The following FREM1 variants were observed in gnomAD, a reference collection of about 807,000 sequenced individuals.
The protein encoded by FREM1 is FRAS1-related extracellular matrix protein 1.
In FREM1, 220 loss-of-function variants were observed where a neutral mutation model predicts 210.1. The ratio of observed to expected loss-of-function variants is 1.05; its 90% confidence interval spans 0.94 to 1.17. FREM1 has a LOEUF of 1.17. FREM1 is among the 50% of genes most tolerant of loss of function. The pLI, the probability that FREM1 is intolerant of heterozygous loss-of-function variation, is 0.00. For missense variants in FREM1, 3,454 were observed against 2,675.5 expected (o/e 1.29, Z -6.42); for synonymous variants, 1,189 against 980.2 (o/e 1.21, Z -3.98).
At position 14,824,952 on chromosome 9, in the gene FREM1, G is replaced by A; in HGVS notation, c.1922C>T (p.Pro641Leu). Residue 641 changes from proline (P) to leucine (L), a missense_variant, in exon 11 of 37, where the codon CCA becomes CTA. Transcript: ENST00000380880. ...IHITPVDDQL[P>L]KEAPGVSRHL... ...CCGAGAAACTCCAGGAGCCTCTTTT[G>A]GAAGCTGGTCATCCACTGGAGTTAT... The A allele has an allele frequency of 6.2e-7, 1 of 1,605,070 alleles. No homozygotes were observed.
At chr9:14,786,063 A>G (rs532936860) in intron 23 of FREM1, among the ~76,000 whole-genome samples, 12 of 152,274 alleles carry the variant, frequency 7.9e-5, no homozygotes, top group Non-Finnish European at 1.8e-4. Flanking sequence ...TCATATCTCA[A>G]ATATAGGGCT....
chr9:14,838,426 T>A (rs1190511388), intron 10 of FREM1, among the ~76,000 whole-genome samples: 1 of 152,142 alleles, frequency 6.6e-6, no homozygotes, highest in South Asian at 2.1e-4. Context: ...AGGTAATCAT[T>A]TGAGTTCCTC....
intron 19 of FREM1, among the ~76,000 whole-genome samples, chr9:14,803,469 C>T (rs978089722): frequency 2.8e-4 from 43 of 151,926 alleles, no homozygotes; most frequent in Non-Finnish European, 8.8e-5. Context: ...AAGCAATCCT[C>T]CCACCTCAGC....
intron 21 of FREM1, among the ~76,000 whole-genome samples, chr9:14,793,863 G>C (rs927615732): frequency 3.9e-5 from 6 of 152,158 alleles, no homozygotes; most frequent in Non-Finnish European, 7.3e-5. Context: ...TTGCTACCCA[G>C]GGCTGACATC....
chr9:14,765,128 T>G (rs1343080720), intron 27 of FREM1, among the ~76,000 whole-genome samples: 1 of 152,332 alleles, frequency 6.6e-6, no homozygotes, highest in Middle Eastern at 3.4e-3. Context: ...AAGTAGCATG[T>G]GACAAGAATT....
At chr9:14,892,187 AC>A (rs930652773) in intron 1 of FREM1, among the ~76,000 whole-genome samples, 2 of 149,412 alleles carry the variant, frequency 1.3e-5, no homozygotes, top group African/African-American at 5.0e-5. Flanking sequence ...TACTGAAAAA[AC>A]CCCCCGACCC....
In FREM1 at chr9:14,746,996, T is replaced by C; in HGVS notation, c.6065A>G (p.His2022Arg). ...NCTLELKGLFHFEEGIQKLYQ... is the reference protein window; with the variant it reads ...NCTLELKGLFRFEEGIQKLYQ... The stretch of plus-strand genomic sequence containing the variant: ...CAGCTTCTGGATGCCTTCTTCAAAA[T>C]GGAAGAGTCCCTTTAATTCCAGAGT... Residue 2022 changes from histidine (H) to arginine (R), a missense_variant, in exon 34 of 37, where the codon CAT becomes CGT. Physicochemically the swap from His to Arg is conservative, Grantham distance 29 (BLOSUM62 0). Transcript: ENST00000380880. The C allele has an allele frequency of 1.9e-6, 3 of 1,613,274 alleles. No individual in the cohort carries two copies. The highest frequency in any genetic ancestry group is 4.5e-5 in the East Asian group (2 of 44,856).
intron 11 of FREM1, 34 bp from the exon 12 acceptor site, chr9:14,824,149 T>A: frequency 7.4e-7 from 1 of 1,356,650 alleles, no homozygotes; most frequent in South Asian, 1.3e-5. Context: ...CATCAGCTCA[T>A]TTTTAGGTAA....
chr9:14,784,490 T>C lies in FREM1; in HGVS notation c.4322A>G (p.Gln1441Arg), dbSNP rs376519870. 2.5e-6 allele frequency: 4 copies of C among 1,613,830 alleles called. No homozygotes were observed. Among genetic ancestry groups the C allele is most frequent in the African/African-American group, 1.3e-5 (1 of 74,936 alleles). Residue 1441 changes from glutamine to arginine, a missense_variant, in exon 24 of 37, where the codon CAG becomes CGG. By Grantham distance (43) the Gln-to-Arg change is conservative. Transcript: ENST00000380880. ...TCCAGGATAGTGAACATATTCGATC[T>C]GGCCATATCGCGGAGGGGAGGTGAT... ...YVITSPPRYG[Q>R]IEYVHYPGVP...
At position 14,860,821 on chromosome 9, in the gene FREM1, A is replaced by G. The variant is rs1394391766; in HGVS notation, c.330-1337T>C. On this transcript the variant is annotated intron_variant, in intron 3 of 36. Coordinates refer to ENST00000380880, the MANE Select transcript of FREM1 (RefSeq NM_001379081.2). ...TACACATATATACATATATACACAT[A>G]TATACATATATACGTATATATACAT... is the stretch of plus-strand genomic sequence containing the variant. Among the ~76,000 whole-genome samples the G allele has an allele frequency of 5.7e-5, 6 of 105,684 alleles. No homozygotes were observed. In the Admixed American group the frequency reaches 6.1e-4, roughly 11 times the overall value. 69.3% of individuals were successfully genotyped at this position (105,684 alleles called of 152,430 possible). A position where few individuals can be genotyped will look rare whatever the true frequency, so the allele number is the denominator to read the frequency against.
intron 1 of FREM1, among the ~76,000 whole-genome samples, chr9:14,873,312 G>C (rs545747800): frequency 6.6e-6 from 1 of 152,240 alleles, no homozygotes; most frequent in South Asian, 2.1e-4. Context: ...ACTCTTTTTG[G>C]TTGGTAAGCT....
At chr9:14,800,030 G>A (rs1311586019) in intron 20 of FREM1, among the ~76,000 whole-genome samples, 1 of 143,960 alleles carries the variant, frequency 6.9e-6, no homozygotes, top group Non-Finnish European at 1.5e-5. Flanking sequence ...TCCCAACTAT[G>A]AGTGAGAACA....
intron 33 of FREM1, 88 bp from the exon 34 acceptor site, chr9:14,747,139 G>C (rs1369824628): frequency 1.3e-6 from 2 of 1,590,784 alleles, no homozygotes; most frequent in Admixed American, 3.4e-5. Context: ...TTCATTTGTT[G>C]GGAAGCATTT....
chr9:14,844,075 T>C (rs1826169008), intron 8 of FREM1, among the ~76,000 whole-genome samples: 1 of 151,980 alleles, frequency 6.6e-6, no homozygotes, highest in African/African-American at 2.4e-5. Flanking sequence ...CTACAGTGTC[T>C]GTCACAAAGT....
chr9:14,880,336 G>A (rs1048870000), intron 1 of FREM1, among the ~76,000 whole-genome samples: 3 of 152,142 alleles, frequency 2.0e-5, no homozygotes, highest in African/African-American at 7.2e-5. Flanking sequence ...AGGTGCAGTG[G>A]CTCATGCCTG....
chr9:14,892,984 T>C (rs1274832181), intron 1 of FREM1, among the ~76,000 whole-genome samples: 1 of 152,200 alleles, frequency 6.6e-6, no homozygotes, highest in Non-Finnish European at 1.5e-5. Context: ...AGTTTGATAC[T>C]AGGTGCTAAG....
At chr9:14,895,949 G>C (rs532050298) in intron 1 of FREM1, among the ~76,000 whole-genome samples, 1 of 152,270 alleles carries the variant, frequency 6.6e-6, no homozygotes, top group East Asian at 1.9e-4. Context: ...ATTTGAACCA[G>C]AGTAACTCCA....
At chr9:14,848,967 A>G (rs1447133213) in intron 6 of FREM1, among the ~76,000 whole-genome samples, 194 bp from the exon 7 acceptor site, 2 of 152,180 alleles carry the variant, frequency 1.3e-5, no homozygotes, top group African/African-American at 4.8e-5. Context: ...CTTTAACGGT[A>G]TTTTTAAATT....
chr9:14,743,929 GACAA>G (rs1841985148), intron 35 of FREM1, among the ~76,000 whole-genome samples: 1 of 152,002 alleles, frequency 6.6e-6, no homozygotes, highest in Non-Finnish European at 1.5e-5. Flanking sequence ...AGTGCATTAC[GACAA>G]ACTAAATGAC....
Sources: allele counts gnomAD v4.1 joint callset (sites outside exome capture counted in the v4.1 genomes callset), GRCh38; gene constraint gnomAD v4.1.1; transcripts MANE v1.5; gene names NCBI Gene and HGNC (gene_info 2026-07-23, HGNC 2026-07-21).